TMCO5A: variants seen among roughly 807,000 people sequenced by gnomAD.
The protein encoded by TMCO5A is transmembrane and coiled-coil domain-containing protein 5A.
In TMCO5A, 34 loss-of-function variants were observed where a neutral mutation model predicts 42.3. That is an observed-to-expected ratio of 0.80 (90% CI 0.61 to 1.07). The LOEUF is 1.07. Among genes scored for constraint, TMCO5A ranks in the 50% least tolerant of loss-of-function variants. The pLI is 0.00. For synonymous variants in TMCO5A, 131 were observed against 115.6 expected, an observed-to-expected ratio of 1.13 and a Z score of -0.86; for missense variants, 357 against 327.9, an observed-to-expected ratio of 1.09 and a Z score of -0.69.
the TMCO5A span, among the ~76,000 whole-genome samples, chr15:38,001,436 GTT>G: frequency 0.079 from 10,135 of 128,246 alleles, 1,139 homozygotes; most frequent in African/African-American, 0.25. Flanking sequence ...ATTGGATCTT[GTT>G]TTTTTTTTTT....
the TMCO5A span, chr15:38,040,769 G>A: frequency 6.6e-6 from 1 of 152,306 alleles, no homozygotes; most frequent in East Asian, 1.9e-4. Flanking sequence ...ACTGGAAGTA[G>A]AACAGGGATT....
chr15:37,970,007 C>T (rs143491512), downstream of TMCO5A, among the ~76,000 whole-genome samples: 36 of 152,198 alleles, frequency 2.4e-4, no homozygotes, highest in African/African-American at 6.3e-4. Flanking sequence ...TCTTTATAGT[C>T]GAATGGCTTA....
the TMCO5A span, among the ~76,000 whole-genome samples, chr15:38,029,218 A>T: frequency 6.6e-6 from 1 of 152,092 alleles, no homozygotes; most frequent in South Asian, 2.1e-4. Flanking sequence ...ACATAATTTT[A>T]ACTCTTGACC....
At chr15:37,976,524 CCTCT>C in the TMCO5A span, among the ~76,000 whole-genome samples, 1 of 152,086 alleles carries the variant, frequency 6.6e-6, no homozygotes, top group East Asian at 1.9e-4. Context: ...GCTTTCTCTC[CCTCT>C]CTTTCAGGAT....
chr15:38,021,597 G>T, the TMCO5A span, among the ~76,000 whole-genome samples: 1 of 152,120 alleles, frequency 6.6e-6, no homozygotes, highest in Non-Finnish European at 1.5e-5. Flanking sequence ...AGGAAAGGGA[G>T]ACTAGGTTTT....
At chr15:37,958,684 T>G (rs995228925) in intron 11 of TMCO5A, among the ~76,000 whole-genome samples, 1 of 152,096 alleles carries the variant, frequency 6.6e-6, no homozygotes, top group African/African-American at 2.4e-5. Context: ...GTGTAAATTA[T>G]TTCAACCATT....
intron 11 of TMCO5A, among the ~76,000 whole-genome samples, chr15:37,965,209 T>C (rs575288803): frequency 6.6e-6 from 1 of 152,248 alleles, no homozygotes; most frequent in South Asian, 2.1e-4. Context: ...TGGATATCCA[T>C]ATGCAGAAAA....
At chr15:37,939,574 A>G (rs1259415835) in intron 6 of TMCO5A, among the ~76,000 whole-genome samples, 1 of 152,138 alleles carries the variant, frequency 6.6e-6, no homozygotes, top group African/African-American at 2.4e-5. Context: ...CAGATGACAG[A>G]GAACAAAGTC....
downstream of TMCO5A, among the ~76,000 whole-genome samples, chr15:37,969,921 C>G (rs1163328498): frequency 2.0e-5 from 3 of 152,090 alleles, no homozygotes; most frequent in Non-Finnish European, 4.4e-5. Flanking sequence ...TCCTGTCTAC[C>G]ATTGATGGGC....
At position 37,936,459 on chromosome 15, in the gene TMCO5A, C is replaced by A; in HGVS notation, c.136C>A (p.Gln46Lys). The A allele has an allele frequency of 6.2e-7, 1 of 1,611,814 alleles. No individual in the cohort carries two copies. Among genetic ancestry groups the A allele is most frequent in the South Asian group, 1.1e-5 (1 of 90,876 alleles). ...LKIQEREDKIQRLESEIIQTR... is the reference protein window; with the variant it reads ...LKIQEREDKIKRLESEIIQTR... ...AATCCAAGAGAGGGAAGATAAGATT[C>A]AGAGGTGAGTATTAAGGTTTCATGA... The change falls in exon 3 of 12, where the codon CAG (glutamine) becomes AAG (lysine). Residue 46 changes from glutamine (Q) to lysine (K), a missense_variant. Transcript: ENST00000319669.
chr15:38,039,196 G>A, the TMCO5A span, among the ~76,000 whole-genome samples: 2 of 152,080 alleles, frequency 1.3e-5, no homozygotes, highest in South Asian at 4.2e-4. Context: ...GTTAAATATA[G>A]ATATGGATGA....
At chr15:37,949,156 T>C (rs1354197947) in intron 11 of TMCO5A, among the ~76,000 whole-genome samples, 1 of 151,442 alleles carries the variant, frequency 6.6e-6, no homozygotes. Context: ...GAAAAAAAAA[T>C]CAAGACCACC....
chr15:38,012,065 C>T, the TMCO5A span, among the ~76,000 whole-genome samples: 3 of 151,042 alleles, frequency 2.0e-5, no homozygotes, highest in Non-Finnish European at 2.9e-5. Context: ...CGGAGGTTGC[C>T]GTGAGCCAAG....
chr15:38,006,292 G>C, the TMCO5A span, among the ~76,000 whole-genome samples: 1 of 152,154 alleles, frequency 6.6e-6, no homozygotes, highest in African/African-American at 2.4e-5. Flanking sequence ...ATGTCTGTGG[G>C]CTCTGATATA....
the TMCO5A span, among the ~76,000 whole-genome samples, chr15:38,033,227 A>G: frequency 6.6e-6 from 1 of 152,116 alleles, no homozygotes; most frequent in Non-Finnish European, 1.5e-5. Context: ...CTCTTTCCTT[A>G]GGTGGAAAAT....
intron 11 of TMCO5A, among the ~76,000 whole-genome samples, chr15:37,949,105 C>A (rs1023920158): frequency 6.6e-6 from 1 of 151,376 alleles, no homozygotes; most frequent in Non-Finnish European, 1.5e-5. Flanking sequence ...TCATGCAATT[C>A]ATATTAAAGC....
At chr15:37,987,808 ATCT>A in the TMCO5A span, among the ~76,000 whole-genome samples, 1 of 151,894 alleles carries the variant, frequency 6.6e-6, no homozygotes, top group Non-Finnish European at 1.5e-5. Context: ...TAAGCCTCCC[ATCT>A]TCTTTTTAAA....
the TMCO5A span, among the ~76,000 whole-genome samples, chr15:38,010,498 AAG>A: frequency 6.6e-6 from 1 of 150,454 alleles, no homozygotes; most frequent in African/African-American, 2.5e-5. Context: ...AGAGATTTAA[AAG>A]TGCCATCCAC....
chr15:38,017,819 G>A, the TMCO5A span, among the ~76,000 whole-genome samples: 1 of 152,088 alleles, frequency 6.6e-6, no homozygotes, highest in Non-Finnish European at 1.5e-5. Flanking sequence ...CCTGTATGTT[G>A]GGGGCAGGGC....
Sources: allele counts gnomAD v4.1 joint callset (sites outside exome capture counted in the v4.1 genomes callset), GRCh38; gene constraint gnomAD v4.1.1; transcripts MANE v1.5; gene names NCBI Gene and HGNC (gene_info 2026-07-23, HGNC 2026-07-21).